FAM131C: variants seen among roughly 807,000 people sequenced by gnomAD.
FAM131C encodes the protein family with sequence similarity 131 member C.
A neutral mutation model predicts 29.8 loss-of-function variants in FAM131C; 14 were observed. That is an observed-to-expected ratio of 0.47 (90% CI 0.31 to 0.73). FAM131C has a LOEUF of 0.73. Among genes scored for constraint, FAM131C ranks in the 30% least tolerant of loss-of-function variants. The probability of loss-of-function intolerance (pLI) is 0.05; values close to 1 mark genes in which losing one functional copy is unlikely to be tolerated. For missense variants in FAM131C, 252 were observed against 383.8 expected, an observed-to-expected ratio of 0.66 and a Z score of 2.87; for synonymous variants, 86 against 157.8, an observed-to-expected ratio of 0.54 and a Z score of 3.41.
At chr1:16,068,802 T>G (rs923297446) in intron 1 of FAM131C, among the ~76,000 whole-genome samples, 13 of 152,064 alleles carry the variant, frequency 8.5e-5, no homozygotes, top group Non-Finnish European at 1.6e-4. Context: ...CCAGGCTCCC[T>G]CCCATCCTGT....
chr1:16,064,985 AC>A (rs1447988978), intron 1 of FAM131C, among the ~76,000 whole-genome samples: 1 of 151,394 alleles, frequency 6.6e-6, no homozygotes, highest in Admixed American at 6.6e-5. Flanking sequence ...TCCCTGGCTC[AC>A]CCCTGCCCGT....
chr1:16,060,136 G>A (rs1277173261), intron 4 of FAM131C, 85 bp from the exon 5 acceptor site: 9 of 703,068 alleles, frequency 1.3e-5, no homozygotes, highest in Middle Eastern at 4.1e-4. Flanking sequence ...CCCACCCAGT[G>A]GCCTGTACCC....
Position 16,062,503 on chromosome 1 carries a change from C to G in FAM131C, c.170G>C (p.Trp57Ser). 6.3e-7 allele frequency: 1 copy of G among 1,583,586 alleles called. No homozygotes were observed. ...DKQMDFCWDP[W>S]QRCFQTTNGY... The stretch of plus-strand genomic sequence containing the variant: ...GGGACACACAAGTGCACTGACCTGC[C>G]AAGGATCCCAACAGAAATCCATCTG... The change falls in exon 3 of 7, where the codon TGG becomes TCG. Residue 57 changes from tryptophan (W) to serine (S), a missense_variant. Trp to Ser is a radical substitution (Grantham distance 177). Around this residue, in one of 6 missense-constraint regions of FAM131C, gnomAD observed 52 missense variants for 105.9 expected, o/e 0.49. Transcript: ENST00000375662.
intron 3 of FAM131C, 120 bp from the exon 4 acceptor site, chr1:16,062,312 C>T: frequency 1.0e-5 from 15 of 1,476,542 alleles, no homozygotes; most frequent in Non-Finnish European, 1.4e-5. Flanking sequence ...TGGGCAGGGA[C>T]AGGGCAGCTA....
intron 4 of FAM131C, 78 bp from the exon 5 acceptor site, chr1:16,060,129 A>T: frequency 2.8e-6 from 2 of 724,712 alleles, no homozygotes; most frequent in South Asian, 3.9e-5. Context: ...CCTCAGGCCC[A>T]CCCAGTGGCC....
intron 1 of FAM131C, among the ~76,000 whole-genome samples, chr1:16,073,091 C>T (rs1427161243): frequency 6.6e-6 from 1 of 152,036 alleles, no homozygotes; most frequent in Non-Finnish European, 1.5e-5. Flanking sequence ...TCCGGGAAGC[C>T]AGGAAGAACC....
chr1:16,072,325 C>A (rs1287262207), intron 1 of FAM131C, among the ~76,000 whole-genome samples: 1 of 152,190 alleles, frequency 6.6e-6, no homozygotes, highest in Non-Finnish European at 1.5e-5. Flanking sequence ...AGCAGAAGCC[C>A]TTCGAGTCCA....
intron 1 of FAM131C, among the ~76,000 whole-genome samples, chr1:16,066,291 C>T (rs555885909): frequency 1.2e-4 from 18 of 152,200 alleles, no homozygotes; most frequent in Non-Finnish European, 1.6e-4. Context: ...GTCAAGGAGG[C>T]TGGAGGCAGA....
At position 16,059,622 on chromosome 1, in the gene FAM131C, T is replaced by C. The variant is rs1408235191; in HGVS notation, c.452-18A>G. 1 of 1,574,162 alleles carries C rather than the reference T, an allele frequency of 6.4e-7. No homozygotes were observed. On this transcript the variant is annotated intron_variant, in intron 5 of 6. Coordinates refer to ENST00000375662, the MANE Select transcript of FAM131C (RefSeq NM_182623.3). ...GGCGACCCCTGGGGGAACAGCGAGATCCAGCTCAGGGGGGCATGGGTGGGG... is the reference window on the plus strand; with the variant it reads ...GGCGACCCCTGGGGGAACAGCGAGACCCAGCTCAGGGGGGCATGGGTGGGG...
chr1:16,069,965 A>G (rs573054911), intron 1 of FAM131C, among the ~76,000 whole-genome samples: 23 of 152,118 alleles, frequency 1.5e-4, no homozygotes, highest in East Asian at 3.9e-4. Context: ...GGGTCTCACT[A>G]TGTTGCACAG....
At position 16,062,549 on chromosome 1, in the gene FAM131C, G is replaced by C. The variant is rs777825579; in HGVS notation, c.139-15C>G. 11 of 1,571,434 alleles carry C rather than the reference G, an allele frequency of 7.0e-6. No homozygotes were observed. In the South Asian group the frequency reaches 1.1e-4, roughly 15 times the overall value. On this transcript the variant is annotated splice_polypyrimidine_tract_variant and intron_variant, in intron 2 of 6. Coordinates refer to ENST00000375662, the MANE Select transcript of FAM131C (RefSeq NM_182623.3). ...ATCTGTTTGTCCTAAAACAAGAGGAGAGAGAGGATCAGGCAGGGCCTGGCA... is the reference window on the plus strand; with the variant it reads ...ATCTGTTTGTCCTAAAACAAGAGGACAGAGAGGATCAGGCAGGGCCTGGCA...
intron 1 of FAM131C, among the ~76,000 whole-genome samples, chr1:16,065,451 C>T (rs1450020446): frequency 6.6e-6 from 1 of 152,224 alleles, no homozygotes; most frequent in African/African-American, 2.4e-5. Flanking sequence ...TGCTCTAGGC[C>T]AGATTGTGTC....
chr1:16,058,318 G>C lies in FAM131C; in HGVS notation c.*119C>G. Reference sequence around the variant, plus strand: ...GCCCCATCCCTGCCGCACCTACCCTGTGCCTACCCGAGGGGTCAAGGGATG... The same window carrying C: ...GCCCCATCCCTGCCGCACCTACCCTCTGCCTACCCGAGGGGTCAAGGGATG... On this transcript the variant is annotated 3_prime_UTR_variant, in exon 7 of 7. Coordinates refer to ENST00000375662, the MANE Select transcript of FAM131C (RefSeq NM_182623.3). The C allele has an allele frequency of 8.9e-7, 1 of 1,124,038 alleles. No homozygotes were observed. Among genetic ancestry groups the C allele is most frequent in the Non-Finnish European group, 1.2e-6 (1 of 822,570 alleles). The allele number at this position is 1,124,038 out of a possible 1,614,324, so 69.6% of individuals were successfully genotyped here. A position where few individuals can be genotyped will look rare whatever the true frequency, so the allele number is the denominator to read the frequency against.
At chr1:16,067,152 G>T (rs867224164) in intron 1 of FAM131C, among the ~76,000 whole-genome samples, 1 of 152,176 alleles carries the variant, frequency 6.6e-6, no homozygotes, top group South Asian at 2.1e-4. Flanking sequence ...AGCCCGCCTG[G>T]CTCCCCACCT....
chr1:16,073,517 G>A lies in FAM131C; in HGVS notation c.-75C>T. 1.1e-6 allele frequency: 1 copy of A among 943,452 alleles called. No homozygotes were observed. The allele number at this position is 943,452 out of a possible 1,614,324, so 58.4% of individuals were successfully genotyped here. A position where few individuals can be genotyped will look rare whatever the true frequency, so the allele number is the denominator to read the frequency against. ...GGGCGTTCATGTCTCCGCGGGCCCG[G>A]GGCTGAGCGCTGCGGAGCCAGAGGA... On this transcript the variant is annotated 5_prime_UTR_variant, in exon 1 of 7. Transcript: ENST00000375662.
intron 3 of FAM131C, 50 bp from the exon 4 acceptor site, chr1:16,062,242 G>A (rs3978468): frequency 0.27 from 421,557 of 1,562,100 alleles, 45,863 homozygotes; most frequent in Admixed American, 0.42. Flanking sequence ...GCTGCCGGCC[G>A]ACATCCCTCC....
At chr1:16,064,660 T>C (rs2023652803) in intron 1 of FAM131C, among the ~76,000 whole-genome samples, 2 of 152,206 alleles carry the variant, frequency 1.3e-5, no homozygotes, top group Admixed American at 1.3e-4. Flanking sequence ...ATCTCCTGTC[T>C]TCTCAGAAGC....
At chr1:16,060,684 C>T (rs1490188543) in intron 4 of FAM131C, among the ~76,000 whole-genome samples, 2 of 152,244 alleles carry the variant, frequency 1.3e-5, no homozygotes, top group South Asian at 2.1e-4. Context: ...TAGTGTCTGG[C>T]GTGAGTCCAG....
chr1:16,070,513 C>T (rs920798326), intron 1 of FAM131C, among the ~76,000 whole-genome samples: 3 of 152,034 alleles, frequency 2.0e-5, no homozygotes, highest in Admixed American at 6.6e-5. Context: ...AATTAAAGGC[C>T]GGGTGCAGTG....
Sources: allele counts gnomAD v4.1 joint callset (sites outside exome capture counted in the v4.1 genomes callset), GRCh38; gene constraint gnomAD v4.1.1; regional missense constraint gnomAD v4.1.1; transcripts MANE v1.5; gene names NCBI Gene and HGNC (gene_info 2026-07-23, HGNC 2026-07-21).